MAP3K4: variants seen among roughly 807,000 people sequenced by gnomAD.
MAP3K4 encodes the protein mitogen-activated protein kinase kinase kinase 4.
A neutral mutation model predicts 185.6 loss-of-function variants in MAP3K4; 67 were observed. The ratio of observed to expected loss-of-function variants is 0.36; its 90% CI spans 0.30 to 0.44. The LOEUF (loss-of-function observed/expected upper bound fraction) is 0.44. MAP3K4 is among the 20% of genes least tolerant of loss of function. MAP3K4 has a pLI of 1.00. For missense variants in MAP3K4, 1,551 were observed against 1,995.1 expected, an observed-to-expected ratio of 0.78 and a Z score of 4.24; for synonymous variants, 702 against 710.4, an observed-to-expected ratio of 0.99 and a Z score of 0.19.
In MAP3K4 at chr6:161,086,528, T is replaced by TA. The variant is rs1417150076; in HGVS notation, c.2472+51dup. ...AGTACCTTTTTTCTTGTTTTTCTTT[T>TA]ATCTTATTTTTTTAATGCTAACCGT... is the stretch of plus-strand genomic sequence containing the variant. On this transcript the variant is annotated intron_variant, in intron 8 of 26. Transcript: ENST00000392142. This position sits in a 1 kb window ranked among gnomAD's most constrained non-coding sequence, Gnocchi z 4.8. 1 of 1,601,684 alleles carries TA rather than the reference T, an allele frequency of 6.2e-7. No individual in the cohort carries two copies. Among genetic ancestry groups the TA allele is most frequent in the Non-Finnish European group, 8.5e-7 (1 of 1,172,364 alleles).
rs73784709 is a variant in MAP3K4 at position 161,011,438 on chromosome 6, T to C, written c.152+19355T>C. Among the ~76,000 whole-genome samples the C allele has an allele frequency of 3.8e-3, 577 of 152,316 alleles. 5 individuals are homozygous for C. In the Middle Eastern group the frequency reaches 0.054, roughly 14 times the overall value. Reference sequence around the variant, plus strand: ...TGAGTGAAATGGTGGCAGTCTCGTATTGGTTGCCTTTCAACCCCCCTCCCT... The same window carrying C: ...TGAGTGAAATGGTGGCAGTCTCGTACTGGTTGCCTTTCAACCCCCCTCCCT... On this transcript the variant is annotated intron_variant, in intron 1 of 26. Coordinates refer to ENST00000392142, the MANE Select transcript of MAP3K4 (RefSeq NM_005922.4).
chr6:161,110,014 C>T lies in MAP3K4; in HGVS notation c.4396+100C>T. On this transcript the variant is annotated intron_variant, in intron 23 of 26. Transcript: ENST00000392142. This position sits in a 1 kb window ranked among gnomAD's most constrained non-coding sequence, Gnocchi z 4.8. ...CTCATCCCATTCCCACATATGATTT[C>T]TCTAGATGGAAATACCTTTCATTGA... 1.6e-6 allele frequency: 2 copies of T among 1,268,284 alleles called. No individual in the cohort carries two copies. Among genetic ancestry groups the T allele is most frequent in the East Asian group, 2.3e-5 (1 of 42,896 alleles). 78.6% of individuals were successfully genotyped at this position (1,268,284 alleles called of 1,614,324 possible).
Position 160,991,918 on chromosome 6 carries a change from G to A in MAP3K4, c.-14G>A, listed in dbSNP as rs1295644522. ...CTTACTGCCCGCCGCGGCCATGCGG[G>A]GCTCCGTGCACGGATGAGAGAAGCC... On this transcript the variant is annotated 5_prime_UTR_variant, in exon 1 of 27. Transcript: ENST00000392142. This position sits in a 1 kb window ranked among gnomAD's most constrained non-coding sequence, Gnocchi z 5.7. 3 of 1,514,504 alleles carry A rather than the reference G, an allele frequency of 2.0e-6. No homozygotes were observed. The highest frequency in any genetic ancestry group is 2.4e-5 in the South Asian group (2 of 81,786). The allele number at this position is 1,514,504 out of a possible 1,614,324, so 93.8% of individuals were successfully genotyped here.
At position 161,109,085 on chromosome 6, in the gene MAP3K4, T is replaced by C; in HGVS notation, c.4236+226T>C. On this transcript the variant is annotated intron_variant, in intron 22 of 26. Transcript: ENST00000392142. The surrounding 1 kb of genome is among the most constrained non-coding windows in gnomAD (Gnocchi z 5.7). Reference sequence around the variant, plus strand: ...TCATTAACCCGACATCATAAAGCACTGAAACCCATCCTGCCATTCAGAAGA... The same window carrying C: ...TCATTAACCCGACATCATAAAGCACCGAAACCCATCCTGCCATTCAGAAGA... 1 of 1,297,548 alleles carries C rather than the reference T, an allele frequency of 7.7e-7. No homozygotes were observed. The highest frequency in any genetic ancestry group is 2.0e-4 in the Middle Eastern group (1 of 5,014). 80.4% of individuals were successfully genotyped at this position (1,297,548 alleles called of 1,614,324 possible).
intron 1 of MAP3K4, among the ~76,000 whole-genome samples, chr6:160,995,604 G>A (rs552542967): frequency 5.1e-4 from 78 of 152,314 alleles, no homozygotes; most frequent in African/African-American, 1.8e-3. Flanking sequence ...GCTGTCAGTT[G>A]TGGATACTTT....
rs1054091165 is a variant in MAP3K4 at position 161,076,988 on chromosome 6, G to T, written c.2097+3376G>T. On this transcript the variant is annotated intron_variant, in intron 5 of 26. Coordinates refer to ENST00000392142, the MANE Select transcript of MAP3K4 (RefSeq NM_005922.4). The surrounding 1 kb of genome is among the most constrained non-coding windows in gnomAD (Gnocchi z 4.2). ...AGGTCTTTTGTGGACTGGTTAATTC[G>T]ATTCAACTTTTTGTGGAGGTCAGGC... is the stretch of plus-strand genomic sequence containing the variant. Among the ~76,000 whole-genome samples, 1 of 152,146 alleles carries T rather than the reference G, an allele frequency of 6.6e-6. No individual in the cohort carries two copies. The highest frequency in any genetic ancestry group is 2.1e-4 in the South Asian group (1 of 4,824).
intron 2 of MAP3K4, among the ~76,000 whole-genome samples, chr6:161,041,235 A>T (rs3729613): frequency 0.37 from 56,854 of 152,048 alleles, 12,051 homozygotes; most frequent in Admixed American, 0.53. Flanking sequence ...TCAGGACCCA[A>T]CCTGACTACC....
At chr6:161,102,381 G>C (rs1238922938) in intron 18 of MAP3K4, among the ~76,000 whole-genome samples, 5 of 152,128 alleles carry the variant, frequency 3.3e-5, no homozygotes, top group African/African-American at 1.2e-4. Flanking sequence ...GCTTCCATTG[G>C]AGTAGGGCTG....
intron 1 of MAP3K4, among the ~76,000 whole-genome samples, chr6:161,019,138 G>A (rs529058887): frequency 6.6e-6 from 1 of 152,298 alleles, no homozygotes; most frequent in African/African-American, 2.4e-5. Flanking sequence ...AGTAGTGGTT[G>A]TAAATGTTTC....
intron 1 of MAP3K4, among the ~76,000 whole-genome samples, chr6:161,019,465 T>C (rs553260913): frequency 1.3e-5 from 2 of 152,348 alleles, no homozygotes; most frequent in African/African-American, 2.4e-5. Context: ...TGGAGTGCAG[T>C]GGCGCGAGCT....
intron 1 of MAP3K4, among the ~76,000 whole-genome samples, chr6:161,016,236 TATATTCTTTATATAAGTCTCTTATTAG>T (rs1453512295): frequency 2.0e-5 from 3 of 152,234 alleles, no homozygotes; most frequent in African/African-American, 7.2e-5. Flanking sequence ...GAGTTCTTTG[TATATTCTTTATATAAGTCTCTTATTAG>T]ATACATGATT....
chr6:160,997,564 G>C (rs1781059247), intron 1 of MAP3K4, among the ~76,000 whole-genome samples: 1 of 152,164 alleles, frequency 6.6e-6, no homozygotes, highest in Non-Finnish European at 1.5e-5. Flanking sequence ...AAGTATTTCT[G>C]ATGTATACAT....
At position 161,075,125 on chromosome 6, in the gene MAP3K4, G is replaced by T. The variant is rs1785112043; in HGVS notation, c.2097+1513G>T. The stretch of plus-strand genomic sequence containing the variant: ...TATTCTCTATATAAAAGACCTGAGT[G>T]TGTAAAATGGCTGTATTTTGAAATA... On this transcript the variant is annotated intron_variant, in intron 5 of 26. Transcript: ENST00000392142. The surrounding 1 kb of genome is among the most constrained non-coding windows in gnomAD (Gnocchi z 4.3). Among the ~76,000 whole-genome samples the T allele has an allele frequency of 6.6e-6, 1 of 152,174 alleles. No homozygotes were observed.
At chr6:161,055,647 A>C (rs1419330192) in intron 3 of MAP3K4, among the ~76,000 whole-genome samples, 4 of 152,146 alleles carry the variant, frequency 2.6e-5, no homozygotes, top group Non-Finnish European at 5.9e-5. Flanking sequence ...CATTGCATTT[A>C]ATTGTCATGT....
rs573241106 is a variant in MAP3K4, at chr6:161,059,281, G to A, written c.1707+9302G>A. 2.3e-4 allele frequency among the ~76,000 whole-genome samples: 35 copies of A among 152,046 alleles called. 1 individual carries two copies. The South Asian group carries it at 6.7e-3, about 29-fold the overall frequency. On this transcript the variant is annotated intron_variant, in intron 3 of 26. Coordinates refer to ENST00000392142, the MANE Select transcript of MAP3K4 (RefSeq NM_005922.4). The stretch of plus-strand genomic sequence containing the variant: ...CTCCTGAGTAGCTGGGATCACAGGC[G>A]TGTGCAACCACACCTGGCTAATTTT...
intron 3 of MAP3K4, among the ~76,000 whole-genome samples, chr6:161,066,988 A>G (rs1015467267): frequency 6.6e-6 from 1 of 152,258 alleles, no homozygotes; most frequent in Non-Finnish European, 1.5e-5. Flanking sequence ...TCATTATACC[A>G]GAGGCGGTGG....
At chr6:161,062,158 A>G (rs1314901855) in intron 3 of MAP3K4, among the ~76,000 whole-genome samples, 4 of 152,076 alleles carry the variant, frequency 2.6e-5, no homozygotes, top group African/African-American at 9.7e-5. Context: ...CCCCTCTTCA[A>G]TTTTTTAATC....
chr6:161,101,806 G>A lies in MAP3K4; in HGVS notation c.3675-86G>A. On this transcript the variant is annotated intron_variant, in intron 17 of 26. Coordinates refer to ENST00000392142, the MANE Select transcript of MAP3K4 (RefSeq NM_005922.4). The surrounding 1 kb of genome is among the most constrained non-coding windows in gnomAD (Gnocchi z 5.1). ...GGCAGGCAGAGTTGCCCCCAGTTGA[G>A]AATTATTGCTCTAGAAAAATCTCGC... The A allele has an allele frequency of 8.6e-7, 1 of 1,166,152 alleles. No homozygotes were observed. The highest frequency in any genetic ancestry group is 1.5e-5 in the African/African-American group (1 of 65,658). 72.2% of individuals were successfully genotyped at this position (1,166,152 alleles called of 1,614,324 possible).
At position 161,037,652 on chromosome 6, in the gene MAP3K4, A is replaced by G. The variant is rs1391453200; in HGVS notation, c.343+3203A>G. On this transcript the variant is annotated intron_variant, in intron 2 of 26. Coordinates refer to ENST00000392142, the MANE Select transcript of MAP3K4 (RefSeq NM_005922.4). The surrounding 1 kb of genome is among the most constrained non-coding windows in gnomAD (Gnocchi z 4.2). ...AGGCTGGTCTCGAACTGCTGACCTC[A>G]GGTGATCCACCTGCCTCAGTCTCCC... Among the ~76,000 whole-genome samples the G allele has an allele frequency of 5.9e-5, 9 of 151,668 alleles. No individual in the cohort carries two copies. Among genetic ancestry groups the G allele is most frequent in the Admixed American group, 5.9e-4 (9 of 15,190 alleles).
Sources: gnomAD v4.1 joint callset for allele counts (sites outside exome capture counted in the v4.1 genomes callset) on GRCh38, gnomAD v4.1.1 for gene constraint, Gnocchi (gnomAD v3.1) non-coding constraint, MANE v1.5 for transcripts, NCBI Gene and HGNC (gene_info 2026-07-23, HGNC 2026-07-21) for gene names.